Variants in QTGAL observed in about 807,000 individuals in gnomAD.
The protein encoded by QTGAL is queuosine-tRNA galactosyltransferase, also known as BGnT-like protein 1.
the QTGAL span, among the ~76,000 whole-genome samples, chr17:82,955,218 C>T: frequency 0.26 from 39,173 of 152,130 alleles, 5,307 homozygotes; most frequent in East Asian, 0.43. Context: ...TTTCTGCAAT[C>T]TGTCCATCTG....
the QTGAL span, among the ~76,000 whole-genome samples, chr17:82,953,348 C>T: frequency 6.6e-6 from 1 of 152,156 alleles, no homozygotes; most frequent in Non-Finnish European, 1.5e-5. Flanking sequence ...ACTGATCCCA[C>T]AGAGATACAA....
the QTGAL span, among the ~76,000 whole-genome samples, chr17:83,016,487 A>C: frequency 7.6e-6 from 1 of 130,856 alleles, no homozygotes; most frequent in East Asian, 2.4e-4. Flanking sequence ...AGAATGGAGG[A>C]GTGAGAAGGG....
the QTGAL span, chr17:82,961,386 AAG>A: frequency 2.6e-6 from 1 of 389,108 alleles, no homozygotes; most frequent in South Asian, 2.2e-5. Flanking sequence ...ACAGGCGGGA[AAG>A]AGGGGAAGGG....
chr17:83,043,553 T>C, the QTGAL span, among the ~76,000 whole-genome samples: 1 of 152,064 alleles, frequency 6.6e-6, no homozygotes, highest in Non-Finnish European at 1.5e-5. Context: ...TAGCTATAAA[T>C]GCCTACATAA....
chr17:83,014,434 C>T, the QTGAL span: 1 of 1,612,026 alleles, frequency 6.2e-7, no homozygotes, highest in South Asian at 1.1e-5. Flanking sequence ...AGTAACGACA[C>T]TAAGGAGGCC....
the QTGAL span, among the ~76,000 whole-genome samples, chr17:83,019,699 C>T: frequency 1.3e-5 from 2 of 152,226 alleles, no homozygotes; most frequent in African/African-American, 2.4e-5. Flanking sequence ...TTTTACCACA[C>T]ACAAAAACTA....
the QTGAL span, among the ~76,000 whole-genome samples, chr17:83,024,496 AGGTGGGTTGCGTGTGG>A: frequency 6.6e-6 from 1 of 152,210 alleles, no homozygotes; most frequent in East Asian, 1.9e-4. Flanking sequence ...TCTCCAAGTG[AGGTGGGTTGCGTGTGG>A]GGCCTCAGCT....
At chr17:83,005,857 G>A in the QTGAL span, 34 of 1,355,640 alleles carry the variant, frequency 2.5e-5, no homozygotes, top group East Asian at 1.9e-4. This position sits in a 1 kb window ranked among gnomAD's most constrained non-coding sequence, Gnocchi z 5.6. Context: ...CCCGCCCTCC[G>A]CCCTGCCCGG....
chr17:83,002,070 T>TA, the QTGAL span, among the ~76,000 whole-genome samples: 8 of 146,876 alleles, frequency 5.4e-5, no homozygotes, highest in African/African-American at 7.6e-5. Flanking sequence ...TTTTTTTTTT[T>TA]AAATTTCCCA....
the QTGAL span, among the ~76,000 whole-genome samples, chr17:82,963,411 G>A: frequency 2.6e-5 from 4 of 152,322 alleles, no homozygotes; most frequent in South Asian, 4.1e-4. Context: ...AGGGCCCAGC[G>A]ATTGGAGTCC....
the QTGAL span, among the ~76,000 whole-genome samples, chr17:82,951,191 C>A: frequency 1.3e-5 from 2 of 152,188 alleles, no homozygotes; most frequent in African/African-American, 2.4e-5. Context: ...CTATGAAAGG[C>A]CTGCATGGTG....
the QTGAL span, chr17:83,048,541 C>T: frequency 2.5e-6 from 4 of 1,614,118 alleles, no homozygotes; most frequent in East Asian, 6.7e-5. Context: ...GCTTCACTCT[C>T]CATTTTTCAA....
the QTGAL span, among the ~76,000 whole-genome samples, chr17:83,011,697 C>A: frequency 6.6e-6 from 1 of 152,208 alleles, no homozygotes; most frequent in Non-Finnish European, 1.5e-5. Flanking sequence ...GAGGAGGCAC[C>A]TGGAGCAGAA....
the QTGAL span, chr17:83,048,422 G>T: frequency 6.7e-7 from 1 of 1,489,562 alleles, no homozygotes; most frequent in Non-Finnish European, 9.4e-7. Context: ...TACGTAAGTT[G>T]ATAAGAAACC....
At chr17:83,006,623 C>T in the QTGAL span, 18 of 983,284 alleles carry the variant, frequency 1.8e-5, no homozygotes, top group South Asian at 1.4e-4. This position sits in a 1 kb window ranked among gnomAD's most constrained non-coding sequence, Gnocchi z 5.8. Flanking sequence ...GCTATCCCGA[C>T]GCCGTGGCTG....
chr17:82,971,014 C>T, the QTGAL span, among the ~76,000 whole-genome samples: 2 of 152,112 alleles, frequency 1.3e-5, no homozygotes, highest in Admixed American at 6.5e-5. Flanking sequence ...AGGTCGGCGT[C>T]GTGGGGCGCA....
the QTGAL span, among the ~76,000 whole-genome samples, chr17:82,980,538 C>A: frequency 6.6e-6 from 1 of 152,232 alleles, no homozygotes; most frequent in African/African-American, 2.4e-5. Flanking sequence ...GGGGTTCCCA[C>A]AACCTCTTCC....
chr17:83,019,981 G>A, the QTGAL span, among the ~76,000 whole-genome samples: 6 of 152,118 alleles, frequency 3.9e-5, no homozygotes, highest in Non-Finnish European at 5.9e-5. Context: ...TGATCCACCC[G>A]CCTTGGCCTC....
At chr17:83,006,454 T>C in the QTGAL span, 1 of 984,738 alleles carries the variant, frequency 1.0e-6, no homozygotes. The surrounding 1 kb of genome is among the most constrained non-coding windows in gnomAD (Gnocchi z 5.8). Context: ...AGACCCTCTG[T>C]GCCCTTCACC....
Sources: allele counts gnomAD v4.1 joint callset (sites outside exome capture counted in the v4.1 genomes callset), GRCh38; gene constraint gnomAD v4.1.1; non-coding constraint Gnocchi (gnomAD v3.1); transcripts MANE v1.5; gene names NCBI Gene and HGNC (gene_info 2026-07-23, HGNC 2026-07-21).